ME3: variants seen among roughly 807,000 people sequenced by gnomAD.
ME3 encodes NADP-dependent malic enzyme, mitochondrial.
A neutral mutation model predicts 68.9 loss-of-function variants in ME3; 48 were observed. That is an observed-to-expected ratio of 0.70 (90% confidence interval 0.55 to 0.89). The LOEUF (loss-of-function observed/expected upper bound fraction) is 0.89. Ranked by LOEUF, ME3 falls within the 40% of genes least tolerant of loss-of-function variation. ME3 has a pLI of 0.00. For missense variants in ME3, 675 were observed against 797.4 expected, an observed-to-expected ratio of 0.85 and a Z score of 1.85; for synonymous variants, 320 against 318.8, an observed-to-expected ratio of 1.00 and a Z score of -0.04.
intron 2 of ME3, among the ~76,000 whole-genome samples, chr11:86,627,182 C>G (rs1296231800): frequency 1.3e-5 from 2 of 152,174 alleles, no homozygotes; most frequent in African/African-American, 4.8e-5. Context: ...GTTTTCTATT[C>G]TGAAAGCTCT....
chr11:86,504,283 C>G (rs76425848), intron 5 of ME3, among the ~76,000 whole-genome samples: 6,925 of 152,098 alleles, frequency 0.046, 165 homozygotes, highest in South Asian at 0.099. Context: ...TGACTTAGAA[C>G]CACAGCTCTG....
intron 2 of ME3, among the ~76,000 whole-genome samples, chr11:86,626,395 G>C (rs1311451372): frequency 6.6e-6 from 1 of 152,184 alleles, no homozygotes; most frequent in African/African-American, 2.4e-5. Context: ...CAACAGCTCA[G>C]TGTAGTGAAC....
At position 86,615,561 on chromosome 11, in the gene ME3, A is replaced by C. The variant is rs1942899573; in HGVS notation, c.184-55738T>G. Among the ~76,000 whole-genome samples the C allele has an allele frequency of 2.0e-5, 3 of 152,222 alleles. No homozygotes were observed. The South Asian group carries it at 6.2e-4, about 32-fold the overall frequency. Reference sequence around the variant, plus strand: ...CAAGGTGGGATGACTTATCAAGATCACAGAGCTAATAAGAGTTCACCTCTG... The same window carrying C: ...CAAGGTGGGATGACTTATCAAGATCCCAGAGCTAATAAGAGTTCACCTCTG... On this transcript the variant is annotated intron_variant, in intron 2 of 14. Coordinates refer to ENST00000543262, the Ensembl canonical transcript of ME3.
intron 2 of ME3, among the ~76,000 whole-genome samples, chr11:86,596,873 A>G (rs1000886007): frequency 2.0e-5 from 3 of 152,132 alleles, no homozygotes; most frequent in African/African-American, 7.2e-5. Context: ...TTTCCCTGTC[A>G]GAACCAGGTC....
At chr11:86,549,478 C>T (rs1314715531) in intron 4 of ME3, among the ~76,000 whole-genome samples, 2 of 152,206 alleles carry the variant, frequency 1.3e-5, no homozygotes, top group Admixed American at 6.5e-5. Flanking sequence ...AATTTTTCTT[C>T]CCAAGTGGAA....
chr11:86,642,074 A>G (rs193290549), intron 2 of ME3, among the ~76,000 whole-genome samples: 15 of 152,350 alleles, frequency 9.8e-5, no homozygotes, highest in Admixed American at 5.9e-4. Context: ...AAGTGACAAC[A>G]CTTAGCCCAT....
intron 4 of ME3, among the ~76,000 whole-genome samples, chr11:86,509,761 A>G (rs1012626249): frequency 1.3e-5 from 2 of 151,178 alleles, no homozygotes; most frequent in Non-Finnish European, 1.5e-5. Flanking sequence ...ATTGGCAAAA[A>G]AAAAAAAAAA....
At chr11:86,597,571 C>T (rs1959723064) in intron 2 of ME3, among the ~76,000 whole-genome samples, 1 of 152,212 alleles carries the variant, frequency 6.6e-6, no homozygotes, top group Admixed American at 6.5e-5. Flanking sequence ...CTCTCTGGAG[C>T]ATGTGCAGCT....
chr11:86,535,044 T>G (rs1955554157), intron 4 of ME3, among the ~76,000 whole-genome samples: 1 of 152,156 alleles, frequency 6.6e-6, no homozygotes, highest in South Asian at 2.1e-4. Context: ...AGGTAGAGGT[T>G]TACTCTCAAA....
chr11:86,631,010 G>A (rs537511623), intron 2 of ME3, among the ~76,000 whole-genome samples: 1 of 152,336 alleles, frequency 6.6e-6, no homozygotes, highest in African/African-American at 2.4e-5. Flanking sequence ...AAATGGGGGA[G>A]GACTAGGATG....
At chr11:86,566,987 G>A (rs1305053647) in intron 2 of ME3, among the ~76,000 whole-genome samples, 1 of 152,076 alleles carries the variant, frequency 6.6e-6, no homozygotes, top group African/African-American at 2.4e-5. Flanking sequence ...GGAGGCTGAG[G>A]CGGGTGGATC....
chr11:86,502,985 C>T (rs1952825907), intron 5 of ME3, among the ~76,000 whole-genome samples: 1 of 152,130 alleles, frequency 6.6e-6, no homozygotes, highest in South Asian at 2.1e-4. Context: ...GCTGTTTATA[C>T]AACCCTCTTC....
At chr11:86,507,269 GAC>G (rs1173543637) in intron 5 of ME3, among the ~76,000 whole-genome samples, 1 of 152,230 alleles carries the variant, frequency 6.6e-6, no homozygotes, top group Non-Finnish European at 1.5e-5. Context: ...TGGCAGCACA[GAC>G]ACAGTGTACT....
chr11:86,502,943 C>T (rs1474714435), intron 5 of ME3, among the ~76,000 whole-genome samples: 1 of 152,166 alleles, frequency 6.6e-6, no homozygotes, highest in East Asian at 1.9e-4. Flanking sequence ...GGACTTGTAG[C>T]TATGGTCATA....
At chr11:86,473,863 T>C (rs986336711) in intron 7 of ME3, among the ~76,000 whole-genome samples, 2 of 152,210 alleles carry the variant, frequency 1.3e-5, no homozygotes, top group Admixed American at 6.5e-5. Flanking sequence ...AATGATTATC[T>C]TCAATCATAG....
intron 2 of ME3, among the ~76,000 whole-genome samples, chr11:86,602,437 G>C (rs544663327): frequency 2.4e-4 from 36 of 152,220 alleles, no homozygotes; most frequent in African/African-American, 8.4e-4. Flanking sequence ...ACAAACCACT[G>C]CTCAATGAAA....
chr11:86,447,111 G>T, exon 12 of ME3: 3 of 1,614,234 alleles, frequency 1.9e-6, no homozygotes, highest in Non-Finnish European at 2.5e-6. Context: ...GGCCTTGCTG[G>T]TGGGGTTGCT....
At chr11:86,593,109 G>A (rs1959149972) in intron 2 of ME3, among the ~76,000 whole-genome samples, 1 of 152,196 alleles carries the variant, frequency 6.6e-6, no homozygotes, top group Admixed American at 6.5e-5. Context: ...TCACTGCCAG[G>A]AAAATGACTC....
chr11:86,528,050 C>A (rs1457762523), intron 4 of ME3, among the ~76,000 whole-genome samples: 2 of 152,174 alleles, frequency 1.3e-5, no homozygotes, highest in East Asian at 3.8e-4. Flanking sequence ...AATTAAAAGA[C>A]ACAGATTGGC....
Sources: allele counts gnomAD v4.1 joint callset (sites outside exome capture counted in the v4.1 genomes callset), GRCh38; gene constraint gnomAD v4.1.1; transcripts MANE v1.5; gene names NCBI Gene and HGNC (gene_info 2026-07-23, HGNC 2026-07-21).